The following F13A1 variants were observed in gnomAD, a reference collection of about 807,000 sequenced individuals.
F13A1 encodes the protein FSF, A subunit.
Under a neutral mutation model 80.1 loss-of-function variants are expected in F13A1, and 47 were observed. The ratio of observed to expected loss-of-function variants is 0.59; its 90% CI spans 0.46 to 0.75. The LOEUF is 0.75. Among genes scored for constraint, F13A1 ranks in the 30% least tolerant of loss-of-function variants. F13A1 has a pLI of 0.00. For synonymous variants in F13A1, 349 were observed against 344.9 expected (o/e 1.01, Z -0.13); for missense variants, 817 against 930.4 (o/e 0.88, Z 1.59).
At chr6:6,274,439 C>T (rs1471864069) in intron 3 of F13A1, among the ~76,000 whole-genome samples, 1 of 152,198 alleles carries the variant, frequency 6.6e-6, no homozygotes, top group Non-Finnish European at 1.5e-5. Context: ...TGCTGACTAC[C>T]TGGTCCCTGG....
chr6:6,148,799 G>C (rs894361349), intron 14 of F13A1, among the ~76,000 whole-genome samples: 3 of 152,114 alleles, frequency 2.0e-5, no homozygotes, highest in Non-Finnish European at 4.4e-5. Flanking sequence ...CTGTCTCTGA[G>C]AAATAAAGCT....
intron 2 of F13A1, among the ~76,000 whole-genome samples, chr6:6,309,030 G>A (rs1365693487): frequency 6.6e-6 from 1 of 152,120 alleles, no homozygotes; most frequent in Non-Finnish European, 1.5e-5. Flanking sequence ...GACTTTGCAT[G>A]GGTTAAATTT....
intron 10 of F13A1, among the ~76,000 whole-genome samples, chr6:6,192,778 G>A (rs1052942283): frequency 3.3e-5 from 5 of 152,086 alleles, no homozygotes; most frequent in Admixed American, 6.6e-5. Flanking sequence ...TCATCTCAGC[G>A]CCAGTGAGGG....
At chr6:6,160,739 A>C (rs892385721) in intron 13 of F13A1, among the ~76,000 whole-genome samples, 1 of 152,228 alleles carries the variant, frequency 6.6e-6, no homozygotes, top group Non-Finnish European at 1.5e-5. Flanking sequence ...AGAGTGACTA[A>C]ATAAAGAGAT....
chr6:6,255,179 A>G (rs1032468372), intron 4 of F13A1, among the ~76,000 whole-genome samples: 2 of 152,148 alleles, frequency 1.3e-5, no homozygotes, highest in African/African-American at 4.8e-5. Context: ...TTTAATGATT[A>G]TATTTATTGA....
intron 3 of F13A1, among the ~76,000 whole-genome samples, chr6:6,273,142 T>C (rs556170808): frequency 5.3e-5 from 8 of 152,320 alleles, no homozygotes; most frequent in Non-Finnish European, 8.8e-5. Flanking sequence ...CCCCTTTTCC[T>C]ATAACAATTA....
At chr6:6,179,313 TTAA>T (rs1355350355) in intron 11 of F13A1, among the ~76,000 whole-genome samples, 15 of 152,228 alleles carry the variant, frequency 9.9e-5, no homozygotes, top group African/African-American at 3.4e-4. Flanking sequence ...AGTTATAAAG[TTAA>T]TAATAAGCTT....
chr6:6,199,528 C>A lies in F13A1; in HGVS notation c.1113-2202G>T, dbSNP rs546846153. Among the ~76,000 whole-genome samples, 3 of 151,770 alleles carry A rather than the reference C, an allele frequency of 2.0e-5. No individual in the cohort carries two copies. In the South Asian group the frequency reaches 6.3e-4, roughly 32 times the overall value. On this transcript the variant is annotated intron_variant, in intron 8 of 14. Coordinates refer to ENST00000264870, the MANE Select transcript of F13A1 (RefSeq NM_000129.4). Reference sequence around the variant, plus strand: ...AAAAAGAACAGTACTATTATAATTACCCCCAGTTTACAGGGGAGGAAGCTG... The same window carrying A: ...AAAAAGAACAGTACTATTATAATTAACCCCAGTTTACAGGGGAGGAAGCTG...
chr6:6,317,250 C>T (rs1195191792), intron 2 of F13A1, among the ~76,000 whole-genome samples: 6 of 152,308 alleles, frequency 3.9e-5, no homozygotes, highest in Middle Eastern at 3.4e-3. Flanking sequence ...TGCTTACCTT[C>T]AGCCTCTATT....
chr6:6,199,595 TTAGTGA>T (rs1385110838), intron 8 of F13A1, among the ~76,000 whole-genome samples: 1 of 152,062 alleles, frequency 6.6e-6, no homozygotes, highest in East Asian at 1.9e-4. Context: ...TCACAGCTAG[TTAGTGA>T]TAGAGCTCTG....
intron 4 of F13A1, among the ~76,000 whole-genome samples, chr6:6,260,807 G>T (rs1408619599): frequency 6.6e-6 from 1 of 152,160 alleles, no homozygotes; most frequent in Non-Finnish European, 1.5e-5. Flanking sequence ...AGGAGAATTT[G>T]CTCCTGGGAC....
rs1405346932 is a variant in F13A1, at chr6:6,318,687, A to AG, written c.-18-6dup. On this transcript the variant is annotated splice_region_variant and splice_polypyrimidine_tract_variant and intron_variant, in intron 1 of 14. Transcript: ENST00000264870. ...CATTTTTGACTTTACAAGGTCCTTC[A>AG]GAAAAAAAAAAAAAAGAAGACAACA... The AG allele has an allele frequency of 7.3e-6, 11 of 1,515,720 alleles. No individual in the cohort carries two copies. Among genetic ancestry groups the AG allele is most frequent in the East Asian group, 2.4e-5 (1 of 41,230 alleles). The allele number at this position is 1,515,720 out of a possible 1,614,324, so 93.9% of individuals were successfully genotyped here. A position where few individuals can be genotyped will look rare whatever the true frequency, so the allele number is the denominator to read the frequency against.
intron 4 of F13A1, among the ~76,000 whole-genome samples, chr6:6,259,375 A>G (rs777002831): frequency 6.6e-6 from 1 of 152,250 alleles, no homozygotes; most frequent in Non-Finnish European, 1.5e-5. Context: ...TAATGATAAA[A>G]TACAAGCAGG....
In F13A1 at chr6:6,311,297, G is replaced by A. The variant is rs1364484051; in HGVS notation, c.131-5758C>T. 2.6e-5 allele frequency among the ~76,000 whole-genome samples: 4 copies of A among 152,010 alleles called. No homozygotes were observed. The South Asian group carries it at 8.3e-4, about 32-fold the overall frequency. On this transcript the variant is annotated intron_variant, in intron 2 of 14. Coordinates refer to ENST00000264870, the MANE Select transcript of F13A1 (RefSeq NM_000129.4). The stretch of plus-strand genomic sequence containing the variant: ...TCATTTACTGTAGGATTAACCATAG[G>A]TGTCCTTTAAATGTCATTTACCATT...
chr6:6,191,101 C>T (rs1206577281), intron 10 of F13A1, among the ~76,000 whole-genome samples: 4 of 152,232 alleles, frequency 2.6e-5, no homozygotes, highest in Admixed American at 1.3e-4. Flanking sequence ...GGTGCGTGCA[C>T]CCACTGACCT....
intron 3 of F13A1, among the ~76,000 whole-genome samples, chr6:6,298,358 T>A (rs909683502): frequency 6.7e-5 from 10 of 150,054 alleles, no homozygotes; most frequent in Non-Finnish European, 1.2e-4. Flanking sequence ...TGTTAAAGCC[T>A]CCCATTATTA....
rs114155960 is a variant in F13A1 at position 6,230,760 on chromosome 6, T to C, written c.799-5900A>G. 7.2e-3 allele frequency among the ~76,000 whole-genome samples: 1,098 copies of C among 152,298 alleles called. 10 individuals carry two copies. The highest frequency in any genetic ancestry group is 0.025 in the African/African-American group (1,052 of 41,554). ...GAGAGGGACCCAGAGATGGCTCACATCACAGGATTCTGTGCAGACAATGCC... is the reference window on the plus strand; with the variant it reads ...GAGAGGGACCCAGAGATGGCTCACACCACAGGATTCTGTGCAGACAATGCC... On this transcript the variant is annotated intron_variant, in intron 6 of 14. Coordinates refer to ENST00000264870, the MANE Select transcript of F13A1 (RefSeq NM_000129.4).
chr6:6,181,103 A>T (rs1382763399), intron 11 of F13A1, among the ~76,000 whole-genome samples: 1 of 152,144 alleles, frequency 6.6e-6, no homozygotes, highest in Non-Finnish European at 1.5e-5. Flanking sequence ...AGCCTGCAGG[A>T]TCCCCCTAAA....
intron 10 of F13A1, among the ~76,000 whole-genome samples, chr6:6,182,982 T>A (rs974736719): frequency 2.0e-5 from 3 of 152,196 alleles, no homozygotes; most frequent in African/African-American, 2.4e-5. Flanking sequence ...AGAAATAGTG[T>A]CTTGGGGCCA....
Sources: gnomAD v4.1 joint callset for allele counts (sites outside exome capture counted in the v4.1 genomes callset) on GRCh38, gnomAD v4.1.1 for gene constraint, MANE v1.5 for transcripts, NCBI Gene and HGNC (gene_info 2026-07-23, HGNC 2026-07-21) for gene names.